CEP104: variants seen among roughly 807,000 people sequenced by gnomAD.
CEP104 encodes centrosomal protein of 104 kDa.
A neutral mutation model predicts 113.3 loss-of-function variants in CEP104; 84 were observed. The observed-to-expected ratio is 0.74, with a 90% CI of 0.62 to 0.89. The LOEUF is 0.89. Among genes scored for constraint, CEP104 ranks in the 40% least tolerant of loss-of-function variants. The pLI is 0.00. For synonymous variants in CEP104, 378 were observed against 421.7 expected, an observed-to-expected ratio of 0.90 and a Z score of 1.27; for missense variants, 1,053 against 1,156.6, an observed-to-expected ratio of 0.91 and a Z score of 1.30.
intron 9 of CEP104, chr1:3,837,011 T>A: frequency 3.8e-6 from 2 of 520,768 alleles, no homozygotes; most frequent in South Asian, 5.3e-5. Context: ...TAAAGGCTAT[T>A]ACATCTTTTT....
In CEP104 at chr1:3,819,434, C is replaced by T. The variant is rs749620619; in HGVS notation, c.2572-3064G>A. Among the ~76,000 whole-genome samples the T allele has an allele frequency of 5.9e-5, 9 of 152,068 alleles. No individual in the cohort carries two copies. Among genetic ancestry groups the T allele is most frequent in the Non-Finnish European group, 8.8e-5 (6 of 68,026 alleles). On this transcript the variant is annotated intron_variant, in intron 20 of 21. Transcript: ENST00000378230. This position sits in a 1 kb window ranked among gnomAD's most constrained non-coding sequence, Gnocchi z 4.6. ...TACATGAAAACCCACTATCTGTCCA[C>T]GGGGAGAGGCTGTGCAGACTAGATC...
chr1:3,847,637 G>A (rs762912449), intron 3 of CEP104, 24 bp from the exon 4 acceptor site: 1 of 1,613,576 alleles, frequency 6.2e-7, no homozygotes, highest in Non-Finnish European at 8.5e-7. Flanking sequence ...CACAACTGAA[G>A]AATTTGAAAA....
At chr1:3,836,404 T>G in intron 10 of CEP104, 91 bp downstream of exon 10, 1 of 1,343,136 alleles carries the variant, frequency 7.4e-7, no homozygotes, top group Non-Finnish European at 1.0e-6. Context: ...GCGTTTTCCC[T>G]CCTTTATGTG....
rs192374451 is a variant in CEP104, at chr1:3,823,029, G to C, written c.2571+145C>G. The C allele has an allele frequency of 1.4e-6, 1 of 708,490 alleles. No individual in the cohort carries two copies. The highest frequency in any genetic ancestry group is 2.5e-6 in the Non-Finnish European group (1 of 406,444). The allele number at this position is 708,490 out of a possible 1,614,324, so 43.9% of individuals were successfully genotyped here. Reference sequence around the variant, plus strand: ...TAAACGGAACGACTGCTCAGACAGGGCTCACTAGACGCTGTCCCCTCCCTG... The same window carrying C: ...TAAACGGAACGACTGCTCAGACAGGCCTCACTAGACGCTGTCCCCTCCCTG... On this transcript the variant is annotated intron_variant, in intron 20 of 21. Transcript: ENST00000378230. This position sits in a 1 kb window ranked among gnomAD's most constrained non-coding sequence, Gnocchi z 4.1.
intron 20 of CEP104, among the ~76,000 whole-genome samples, chr1:3,818,716 G>T (rs578170039): frequency 1.8e-4 from 28 of 152,322 alleles, no homozygotes; most frequent in Admixed American, 1.6e-3. Flanking sequence ...ATGAAGAGGA[G>T]GTTCTCACCT....
At chr1:3,837,009 A>G in intron 9 of CEP104, 1 of 517,856 alleles carries the variant, frequency 1.9e-6, no homozygotes, top group Non-Finnish European at 3.4e-6. Flanking sequence ...AGTAAAGGCT[A>G]TTACATCTTT....
intron 2 of CEP104, 91 bp downstream of exon 2, chr1:3,852,204 A>G: frequency 7.9e-7 from 1 of 1,265,206 alleles, no homozygotes; most frequent in African/African-American, 1.5e-5. Flanking sequence ...TGATAGTAAA[A>G]TCTGAGGCTC....
intron 2 of CEP104, among the ~76,000 whole-genome samples, chr1:3,849,288 G>A (rs944643463): frequency 1.4e-5 from 2 of 144,154 alleles, no homozygotes; most frequent in Admixed American, 7.0e-5. Context: ...TTTTTTTTGG[G>A]AAAAGGTCTC....
Position 3,823,458 on chromosome 1 carries a change from C to CT in CEP104, c.2468dup (p.Leu824AlafsTer27). On this transcript the variant is annotated frameshift_variant, in exon 19 of 22. Coordinates refer to ENST00000378230, the MANE Select transcript of CEP104 (RefSeq NM_014704.4). LOFTEE classifies it high-confidence loss of function. The surrounding 1 kb of genome is among the most constrained non-coding windows in gnomAD (Gnocchi z 4.1). ...CCTTGTGTTTTATGTGTCTGGGCAG[C>CT]TCTTCCTTGAAAACAGCCTCACTGC... is the stretch of plus-strand genomic sequence containing the variant. 6.2e-7 allele frequency: 1 copy of CT among 1,614,242 alleles called. No individual in the cohort carries two copies. The highest frequency in any genetic ancestry group is 1.1e-5 in the South Asian group (1 of 91,082).
chr1:3,830,048 C>T, intron 13 of CEP104, 51 bp from the exon 14 acceptor site: 3 of 1,331,474 alleles, frequency 2.3e-6, no homozygotes, highest in Non-Finnish European at 3.2e-6. Context: ...AAACTAATTT[C>T]TTCCAGCTTA....
intron 20 of CEP104, among the ~76,000 whole-genome samples, chr1:3,820,494 C>CAGATGGAAGCGGGGCAGGACGGCG (rs1643950564): frequency 6.9e-6 from 1 of 145,642 alleles, no homozygotes; most frequent in Non-Finnish European, 1.5e-5. Flanking sequence ...GGCAGGACGG[C>CAGATGGAAGCGGGGCAGGACGGCG]GCCTCTGTCT....
chr1:3,833,124 GC>G (rs1311582528), intron 12 of CEP104, among the ~76,000 whole-genome samples: 4 of 151,926 alleles, frequency 2.6e-5, no homozygotes, highest in African/African-American at 9.7e-5. Context: ...GGGACGACAG[GC>G]ACGCACCACC....
intron 9 of CEP104, chr1:3,837,048 T>C (rs763891199): frequency 1.9e-6 from 1 of 534,546 alleles, no homozygotes; most frequent in Non-Finnish European, 3.3e-6. Flanking sequence ...GATATTTTCT[T>C]AGTTTATTGC....
intron 10 of CEP104, 30 bp downstream of exon 10, chr1:3,836,465 C>T (rs758558981): frequency 1.1e-5 from 17 of 1,484,618 alleles, no homozygotes; most frequent in Non-Finnish European, 1.6e-5. Flanking sequence ...CCTCTGCCAC[C>T]CCGTTTTTTT....
chr1:3,832,402 GA>G (rs1215587475), intron 12 of CEP104, among the ~76,000 whole-genome samples: 1 of 54,484 alleles, frequency 1.8e-5, no homozygotes, highest in Non-Finnish European at 4.5e-5. Context: ...TCGTGACCAG[GA>G]GTGTAGCGTA....
chr1:3,831,112 G>A lies in CEP104; in HGVS notation c.1770C>T (p.Leu590=), dbSNP rs933311392. 1 of 1,614,226 alleles carries A rather than the reference G, an allele frequency of 6.2e-7. No individual in the cohort carries two copies. The highest frequency in any genetic ancestry group is 8.5e-7 in the Non-Finnish European group (1 of 1,180,024). ...CCAGGTCTTTCAGCAGCCGGGCCAG[G>A]AGGCCCATCTGACTCATTGCCAGGT... is the stretch of plus-strand genomic sequence containing the variant. ...SVHLAMSQMG[L]LARLLKDLGT... Residue 590 remains leucine (L), a synonymous_variant, in exon 13 of 22, where the codon CTC becomes CTT. Coordinates refer to ENST00000378230, the MANE Select transcript of CEP104 (RefSeq NM_014704.4).
At position 3,815,495 on chromosome 1, in the gene CEP104, T is replaced by C. The variant is rs766767006; in HGVS notation, c.2685A>G (p.Ala895=). The change falls in exon 22 of 22, where the codon GCA becomes GCG. Residue 895 remains alanine, a synonymous_variant. Transcript: ENST00000378230. ...LQPGKSSAVA[A]SGPLGSKAGS... is the part of the protein sequence containing the mutation. ...CGGCCTTTGACCCCAAGGGGCCTGA[T>C]GCGGCCACAGCTGAGCTTTTCCCTG... 1 of 1,609,428 alleles carries C rather than the reference T, an allele frequency of 6.2e-7. No individual in the cohort carries two copies. Among genetic ancestry groups the C allele is most frequent in the Admixed American group, 1.7e-5 (1 of 59,414 alleles).
chr1:3,834,905 C>G lies in CEP104; in HGVS notation c.1485+20G>C, dbSNP rs368037840. ...TCTCATCCATGCACGCTGGAGCCAG[C>G]GCCAGCTGAGGGCACTCACGGAGGT... is the stretch of plus-strand genomic sequence containing the variant. On this transcript the variant is annotated intron_variant, in intron 11 of 21. Transcript: ENST00000378230. 1.3e-6 allele frequency: 2 copies of G among 1,562,546 alleles called. No homozygotes were observed. The highest frequency in any genetic ancestry group is 4.7e-5 in the East Asian group (2 of 42,544).
chr1:3,820,359 T>C (rs58074017), intron 20 of CEP104, among the ~76,000 whole-genome samples: 3,283 of 152,188 alleles, frequency 0.022, 75 homozygotes, highest in East Asian at 0.1. Flanking sequence ...ACACAAAGGC[T>C]CCCACATTCT....
Sources: allele counts gnomAD v4.1 joint callset (sites outside exome capture counted in the v4.1 genomes callset), GRCh38; gene constraint gnomAD v4.1.1; non-coding constraint Gnocchi (gnomAD v3.1); transcripts MANE v1.5; gene names NCBI Gene and HGNC (gene_info 2026-07-23, HGNC 2026-07-21).